Variants in PIK3R5 observed in about 807,000 individuals in gnomAD.
PIK3R5 encodes the protein phosphoinositide-3-kinase regulatory subunit 5.
In PIK3R5, 32 loss-of-function variants were observed where a neutral mutation model predicts 94.9. The observed-to-expected ratio is 0.34, with a 90% CI of 0.25 to 0.45. The LOEUF (loss-of-function observed/expected upper bound fraction) is 0.45, where lower values mean the gene tolerates loss of function less well. Among genes scored for constraint, PIK3R5 ranks in the 20% least tolerant of loss-of-function variants. The pLI is 1.00. For missense variants in PIK3R5, 853 were observed against 1,144.6 expected, an observed-to-expected ratio of 0.75 and a Z score of 3.68; for synonymous variants, 443 against 479.4, an observed-to-expected ratio of 0.92 and a Z score of 0.99.
In PIK3R5 at chr17:8,879,165, T is replaced by C. The variant is rs2089597828; in HGVS notation, c.*1474A>G. ...GAGTACTCTGGGCTGGAATTTCACG[T>C]AAGGCCTTTTGGGCATAATGAATTA... On this transcript the variant is annotated 3_prime_UTR_variant, in exon 19 of 19. Transcript: ENST00000447110. This position sits in a 1 kb window ranked among gnomAD's most constrained non-coding sequence, Gnocchi z 4.4. The C allele has an allele frequency of 6.6e-6, 1 of 152,196 alleles. No homozygotes were observed. Among genetic ancestry groups the C allele is most frequent in the Non-Finnish European group, 1.5e-5 (1 of 68,038 alleles). 9.4% of individuals were successfully genotyped at this position (152,196 alleles called of 1,614,324 possible).
chr17:8,965,001 C>CACA lies in PIK3R5; in HGVS notation c.-14+594_-14+595insTGT, dbSNP rs1567679194. Among the ~76,000 whole-genome samples the CACA allele has an allele frequency of 2.2e-3, 330 of 150,800 alleles. 3 individuals carry two copies. Among genetic ancestry groups the CACA allele is most frequent in the Non-Finnish European group, 3.9e-3 (265 of 67,630 alleles). ...GGCCAGCACGCGCACATGCGCATGC[C>CACA]CACACACACACACACACACACACAC... On this transcript the variant is annotated intron_variant, in intron 1 of 18. Coordinates refer to ENST00000447110, the MANE Select transcript of PIK3R5 (RefSeq NM_001142633.3).
intron 1 of PIK3R5, among the ~76,000 whole-genome samples, chr17:8,956,548 G>T (rs2091469430): frequency 1.3e-5 from 2 of 152,152 alleles, no homozygotes; most frequent in African/African-American, 4.8e-5. Context: ...AGTAATTAGG[G>T]GCCAGGACTA....
intron 1 of PIK3R5, among the ~76,000 whole-genome samples, chr17:8,956,997 G>A (rs1265972181): frequency 7.9e-5 from 12 of 152,208 alleles, no homozygotes; most frequent in Admixed American, 7.9e-4. Flanking sequence ...TTCTGCTGCG[G>A]AGAACGGGCT....
At chr17:8,943,454 A>T (rs2091221256) in intron 1 of PIK3R5, among the ~76,000 whole-genome samples, 1 of 152,042 alleles carries the variant, frequency 6.6e-6, no homozygotes, top group Non-Finnish European at 1.5e-5. Context: ...TCAATCTAAT[A>T]CTTGAGCACA....
chr17:8,944,978 T>C (rs953465231), intron 1 of PIK3R5, among the ~76,000 whole-genome samples: 3 of 152,166 alleles, frequency 2.0e-5, no homozygotes, highest in African/African-American at 7.2e-5. Context: ...CCACAGCAAA[T>C]GAATACACTT....
rs780749399 is a variant in PIK3R5, at chr17:8,925,449, G to GGAGA, written c.-13-13943_-13-13942insTCTC. 4.2e-3 allele frequency among the ~76,000 whole-genome samples: 542 copies of GGAGA among 129,038 alleles called. 8 individuals carry two copies. In the East Asian group the frequency reaches 0.055, roughly 13 times the overall value. 84.7% of individuals were successfully genotyped at this position (129,038 alleles called of 152,430 possible). A position where few individuals can be genotyped will look rare whatever the true frequency, so the allele number is the denominator to read the frequency against. On this transcript the variant is annotated intron_variant, in intron 1 of 18. Transcript: ENST00000447110. This position sits in a 1 kb window ranked among gnomAD's most constrained non-coding sequence, Gnocchi z 5.1. ...GTAGATGGAGAGATAGATAGTAGAT[G>GGAGA]GATAGATAGTAGATGGATGATAGAT...
At chr17:8,964,471 G>C (rs2091628950) in intron 1 of PIK3R5, among the ~76,000 whole-genome samples, 1 of 152,192 alleles carries the variant, frequency 6.6e-6, no homozygotes, top group Non-Finnish European at 1.5e-5. Flanking sequence ...GACTGAGGCT[G>C]GGTTGGGGGA....
chr17:8,910,542 C>G (rs1437527358), intron 2 of PIK3R5, among the ~76,000 whole-genome samples: 1 of 152,142 alleles, frequency 6.6e-6, no homozygotes, highest in Non-Finnish European at 1.5e-5. Context: ...ATTTTGCAGA[C>G]AAGGCAAGTA....
At chr17:8,928,301 C>T (rs1271974025) in intron 1 of PIK3R5, among the ~76,000 whole-genome samples, 2 of 152,006 alleles carry the variant, frequency 1.3e-5, no homozygotes, top group Non-Finnish European at 2.9e-5. Flanking sequence ...GGAGAACCTC[C>T]TGGGAGAGGA....
chr17:8,893,908 C>T lies in PIK3R5; in HGVS notation c.413-253G>A. ...AAAACTCGGTCCTGGGCCTCGCTGT[C>T]CTCTGGATTCCCGTGGCCTCTCTGA... On this transcript the variant is annotated intron_variant, in intron 5 of 18. Coordinates refer to ENST00000447110, the MANE Select transcript of PIK3R5 (RefSeq NM_001142633.3). This position sits in a 1 kb window ranked among gnomAD's most constrained non-coding sequence, Gnocchi z 5.1. 2.8e-6 allele frequency: 1 copy of T among 353,264 alleles called. No individual in the cohort carries two copies. 21.9% of individuals were successfully genotyped at this position (353,264 alleles called of 1,614,324 possible).
chr17:8,951,092 T>C (rs1490268306), intron 1 of PIK3R5, among the ~76,000 whole-genome samples: 1 of 152,236 alleles, frequency 6.6e-6, no homozygotes, highest in Non-Finnish European at 1.5e-5. Context: ...TGACCATTTG[T>C]ACGTCTTCTT....
intron 5 of PIK3R5, among the ~76,000 whole-genome samples, chr17:8,897,250 G>A (rs532507687): frequency 3.3e-5 from 5 of 152,318 alleles, no homozygotes; most frequent in East Asian, 3.9e-4. Flanking sequence ...TCTGGCCACC[G>A]GGAGTCCAGG....
In PIK3R5 at chr17:8,888,994, C is replaced by T; in HGVS notation, c.896-103G>A. The T allele has an allele frequency of 6.6e-7, 1 of 1,522,888 alleles. No homozygotes were observed. The highest frequency in any genetic ancestry group is 1.9e-5 in the Admixed American group (1 of 51,490). The allele number at this position is 1,522,888 out of a possible 1,614,324, so 94.3% of individuals were successfully genotyped here. A position where few individuals can be genotyped will look rare whatever the true frequency, so the allele number is the denominator to read the frequency against. On this transcript the variant is annotated intron_variant, in intron 9 of 18. Transcript: ENST00000447110. This position sits in a 1 kb window ranked among gnomAD's most constrained non-coding sequence, Gnocchi z 7.8. ...AGCAGGACTCAGGGCCAGCCCAGGA[C>T]TCCTAGCACTGCCCCCTTGCTCTGC...
At chr17:8,883,750 C>A (rs1002546697) in intron 15 of PIK3R5, among the ~76,000 whole-genome samples, 5 of 152,160 alleles carry the variant, frequency 3.3e-5, no homozygotes, top group African/African-American at 1.2e-4. Context: ...AATTTTACAT[C>A]GTGTGCATCA....
At chr17:8,944,675 A>T (rs1323154377) in intron 1 of PIK3R5, among the ~76,000 whole-genome samples, 1 of 152,136 alleles carries the variant, frequency 6.6e-6, no homozygotes, top group Non-Finnish European at 1.5e-5. Context: ...TACTCTCCAG[A>T]CCTGTCTTCA....
intron 5 of PIK3R5, among the ~76,000 whole-genome samples, chr17:8,897,463 G>C (rs924885241): frequency 6.6e-6 from 1 of 152,220 alleles, no homozygotes; most frequent in African/African-American, 2.4e-5. Context: ...GAGGTCTCCA[G>C]CTTTGCAGAG....
intron 1 of PIK3R5, among the ~76,000 whole-genome samples, chr17:8,957,634 G>A (rs893245137): frequency 3.3e-5 from 5 of 152,230 alleles, no homozygotes; most frequent in African/African-American, 1.2e-4. Context: ...TGTGGAAATA[G>A]GCATGCTTGT....
chr17:8,934,114 C>T (rs993976642), intron 1 of PIK3R5, among the ~76,000 whole-genome samples: 6 of 152,108 alleles, frequency 3.9e-5, no homozygotes, highest in South Asian at 4.1e-4. Context: ...GGAAAAAACA[C>T]GTATATATCA....
chr17:8,936,307 T>C (rs2091075426), intron 1 of PIK3R5, among the ~76,000 whole-genome samples: 1 of 152,306 alleles, frequency 6.6e-6, no homozygotes, highest in Non-Finnish European at 1.5e-5. Flanking sequence ...GGGTGCACTC[T>C]TTGTGTTGTA....
Sources: gnomAD v4.1 joint callset for allele counts (sites outside exome capture counted in the v4.1 genomes callset) on GRCh38, gnomAD v4.1.1 for gene constraint, Gnocchi (gnomAD v3.1) non-coding constraint, MANE v1.5 for transcripts, NCBI Gene and HGNC (gene_info 2026-07-23, HGNC 2026-07-21) for gene names.